Variants in MMRN1 observed in about 807,000 individuals in gnomAD.
The protein encoded by MMRN1 is multimerin-1.
A neutral mutation model predicts 100.7 loss-of-function variants in MMRN1; 94 were observed. The observed-to-expected ratio is 0.93, with a 90% CI of 0.79 to 1.11. The LOEUF (loss-of-function observed/expected upper bound fraction) is 1.11, where lower values mean the gene tolerates loss of function less well. Among genes scored for constraint, MMRN1 ranks in the 50% least tolerant of loss-of-function variants. MMRN1 has a pLI of 0.00. For synonymous variants in MMRN1, 575 were observed against 505.0 expected, an observed-to-expected ratio of 1.14 and a Z score of -1.86; for missense variants, 1,606 against 1,439.1, an observed-to-expected ratio of 1.12 and a Z score of -1.88.
chr4:89,935,243 A>T lies in MMRN1; in HGVS notation c.1563A>T (p.Leu521Phe). ...SKLKEVHEQL[L>F]STEQVSDQKN... ...TGAAGGAAGTACATGAGCAGCTTTT[A>T]TCAACTGAACAGGTATCAGACCAGA... is the stretch of plus-strand genomic sequence containing the variant. The change falls in exon 6 of 8, where the codon TTA (leucine) becomes TTT (phenylalanine). Residue 521 changes from leucine to phenylalanine, a missense_variant. Transcript: ENST00000264790. 6.2e-7 allele frequency: 1 copy of T among 1,613,756 alleles called. No individual in the cohort carries two copies. The highest frequency in any genetic ancestry group is 8.5e-7 in the Non-Finnish European group (1 of 1,179,782).
At chr4:89,886,926 A>G (rs1288288424) in intron 1 of MMRN1, among the ~76,000 whole-genome samples, 3 of 152,052 alleles carry the variant, frequency 2.0e-5, no homozygotes, top group African/African-American at 7.2e-5. Flanking sequence ...TAGTCACCCT[A>G]TTGTGCTACT....
At chr4:89,913,582 A>C (rs1162989711) in intron 3 of MMRN1, among the ~76,000 whole-genome samples, 1 of 151,346 alleles carries the variant, frequency 6.6e-6, no homozygotes, top group Admixed American at 6.6e-5. Context: ...TCAAATATAG[A>C]CTGTGTCCTG....
At chr4:89,932,810 G>A (rs911178344) in intron 5 of MMRN1, among the ~76,000 whole-genome samples, 1 of 152,146 alleles carries the variant, frequency 6.6e-6, no homozygotes, top group South Asian at 2.1e-4. Context: ...GTGATGGGAG[G>A]CACTGCTGGG....
intron 1 of MMRN1, among the ~76,000 whole-genome samples, chr4:89,882,041 C>T (rs17016330): frequency 0.033 from 4,982 of 151,736 alleles, 103 homozygotes; most frequent in South Asian, 0.057. Context: ...AGAAAGATTA[C>T]GTTAGTATTT....
intron 1 of MMRN1, among the ~76,000 whole-genome samples, chr4:89,904,529 CTG>C (rs1363908470): frequency 1.3e-5 from 2 of 151,742 alleles, no homozygotes; most frequent in Non-Finnish European, 2.9e-5. Flanking sequence ...ATAAGTGAAA[CTG>C]TACAATATTT....
chr4:89,921,491 T>C (rs760006794), intron 3 of MMRN1, among the ~76,000 whole-genome samples: 1 of 152,188 alleles, frequency 6.6e-6, no homozygotes, highest in Non-Finnish European at 1.5e-5. Flanking sequence ...TAAAAATTTA[T>C]GCAATGATTA....
chr4:89,909,376 G>A lies in MMRN1; in HGVS notation c.724G>A (p.Gly242Ser), dbSNP rs527826560. The A allele has an allele frequency of 4.3e-5, 69 of 1,609,500 alleles. 2 individuals are homozygous for A. In the South Asian group the frequency reaches 5.8e-4, roughly 14 times the overall value. The stretch of plus-strand genomic sequence containing the variant: ...TGGGAAAGGACCTTGTGGCTGGACC[G>A]GTGGATCCTGTCCTCAGAGGTATGT... Reference protein sequence around the residue: ...PGGKGPCGWTGGSCPQRSQKI... With the variant: ...PGGKGPCGWTSGSCPQRSQKI... Residue 242 changes from glycine to serine, a missense_variant, in exon 2 of 8, where the codon GGT becomes AGT. Physicochemically the swap from Gly to Ser is moderately conservative, Grantham distance 56 (BLOSUM62 0). Transcript: ENST00000264790.
intron 1 of MMRN1, among the ~76,000 whole-genome samples, chr4:89,907,951 T>C (rs777265010): frequency 9.9e-5 from 15 of 151,314 alleles, no homozygotes; most frequent in Non-Finnish European, 2.1e-4. Context: ...GTTATTAGTG[T>C]CTGGATTTTG....
At chr4:89,887,360 A>G (rs1331318353) in intron 1 of MMRN1, among the ~76,000 whole-genome samples, 1 of 152,130 alleles carries the variant, frequency 6.6e-6, no homozygotes, top group Non-Finnish European at 1.5e-5. Context: ...AAGCAAAAAG[A>G]ACAAAGTTGG....
At chr4:89,940,719 G>A (rs1275947289) in intron 6 of MMRN1, among the ~76,000 whole-genome samples, 1 of 152,062 alleles carries the variant, frequency 6.6e-6, no homozygotes, top group South Asian at 2.1e-4. Flanking sequence ...TGAGAATCAA[G>A]AATATAATCT....
intron 4 of MMRN1, among the ~76,000 whole-genome samples, chr4:89,924,521 T>C (rs1333297344): frequency 6.6e-6 from 1 of 151,342 alleles, no homozygotes; most frequent in Non-Finnish European, 1.5e-5. Context: ...GATTTTTAAA[T>C]ATATATATAT....
At chr4:89,940,782 C>T (rs1410617272) in intron 6 of MMRN1, among the ~76,000 whole-genome samples, 1 of 152,054 alleles carries the variant, frequency 6.6e-6, no homozygotes, top group Non-Finnish European at 1.5e-5. Flanking sequence ...TAGCTATATT[C>T]AATGTATATG....
intron 7 of MMRN1, among the ~76,000 whole-genome samples, chr4:89,952,401 C>A (rs2110660221): frequency 6.6e-6 from 1 of 152,246 alleles, no homozygotes; most frequent in African/African-American, 2.4e-5. Flanking sequence ...TATTTCAAAT[C>A]AGCTTTTTCT....
chr4:89,903,435 A>T (rs1326882780), intron 1 of MMRN1, among the ~76,000 whole-genome samples: 2 of 151,628 alleles, frequency 1.3e-5, no homozygotes. Context: ...GGCTTTATGG[A>T]AATTATTGAC....
intron 6 of MMRN1, 165 bp from the exon 7 acceptor site, chr4:89,951,440 T>C: frequency 3.6e-6 from 2 of 553,130 alleles, no homozygotes; most frequent in Non-Finnish European, 2.9e-6. Flanking sequence ...CTAAGGGATT[T>C]GCATGACGTC....
At chr4:89,891,239 C>T (rs888582137), upstream of MMRN1, among the ~76,000 whole-genome samples, 3 of 151,922 alleles carry the variant, frequency 2.0e-5, no homozygotes, top group Admixed American at 6.6e-5. Flanking sequence ...GGTGTGTTCC[C>T]GGAACAAGTT....
At position 89,935,610 on chromosome 4, in the gene MMRN1, TATG is replaced by T; in HGVS notation, c.1933_1935del (p.Asp645del). ...GAGTGAGCAACTAAATGATTTGACT[TATG>T]ATATGGAGATCCTTCAACCCTTGCT... On this transcript the variant is annotated inframe_deletion, in exon 6 of 8. Transcript: ENST00000264790. 1.2e-6 allele frequency: 2 copies of T among 1,613,572 alleles called. No homozygotes were observed. Among genetic ancestry groups the T allele is most frequent in the Non-Finnish European group, 1.7e-6 (2 of 1,179,718 alleles).
At chr4:89,952,920 A>C in intron 7 of MMRN1, 77 bp from the exon 8 acceptor site, 9 of 1,384,764 alleles carry the variant, frequency 6.5e-6, no homozygotes, top group Non-Finnish European at 8.7e-6. Flanking sequence ...AACTGAGATA[A>C]AAATGACGAA....
intron 5 of MMRN1, among the ~76,000 whole-genome samples, chr4:89,931,754 G>A (rs1159125136): frequency 1.3e-5 from 2 of 152,084 alleles, no homozygotes; most frequent in Admixed American, 6.6e-5. Context: ...TCACTATCAT[G>A]AGAACAGCAT....
Sources: gnomAD v4.1 joint callset for allele counts (sites outside exome capture counted in the v4.1 genomes callset) on GRCh38, gnomAD v4.1.1 for gene constraint, MANE v1.5 for transcripts, NCBI Gene and HGNC (gene_info 2026-07-23, HGNC 2026-07-21) for gene names.